RAD51B: variants seen among roughly 807,000 people sequenced by gnomAD.
RAD51B encodes RAD51 paralog B.
RAD51B carries 38 observed loss-of-function variants against 42.2 expected under a neutral mutation model. The observed-to-expected ratio is 0.90, with a 90% CI of 0.70 to 1.18. The LOEUF (loss-of-function observed/expected upper bound fraction) is 1.18. Among genes scored for constraint, RAD51B ranks in the 50% most tolerant of loss-of-function variants. RAD51B has a pLI of 0.00. For synonymous variants in RAD51B, 154 were observed against 145.2 expected, an observed-to-expected ratio of 1.06 and a Z score of -0.43; for missense variants, 373 against 400.7, an observed-to-expected ratio of 0.93 and a Z score of 0.59.
chr14:68,360,181 C>A (rs888062467), intron 8 of RAD51B, among the ~76,000 whole-genome samples: 2 of 152,178 alleles, frequency 1.3e-5, no homozygotes, highest in African/African-American at 4.8e-5. Context: ...CCTCTTCACT[C>A]CCTCTTCCCC....
At chr14:68,564,079 G>A (rs1889297169) in intron 10 of RAD51B, 4 of 392,628 alleles carry the variant, frequency 1.0e-5, no homozygotes, top group Non-Finnish European at 1.4e-5. Flanking sequence ...GTTATTAATA[G>A]CATTTGCTCT....
intron 10 of RAD51B, among the ~76,000 whole-genome samples, chr14:68,485,577 T>C (rs986218113): frequency 3.3e-5 from 5 of 152,178 alleles, no homozygotes; most frequent in African/African-American, 7.2e-5. Context: ...GGAGCTTCCA[T>C]TGAGGAACCC....
chr14:68,478,364 C>A (rs1314358002), downstream of RAD51B, among the ~76,000 whole-genome samples: 1 of 152,148 alleles, frequency 6.6e-6, no homozygotes, highest in Non-Finnish European at 1.5e-5. Flanking sequence ...TATAGCCCTG[C>A]AGAACAAAGA....
intron 8 of RAD51B, among the ~76,000 whole-genome samples, chr14:68,386,204 C>G (rs762086477): frequency 9.2e-5 from 14 of 152,138 alleles, no homozygotes; most frequent in Non-Finnish European, 1.6e-4. Context: ...ACCCAGGAGT[C>G]CAGCTTTTGT....
At chr14:68,091,548 TA>T (rs2077099676) in intron 7 of RAD51B, among the ~76,000 whole-genome samples, 1 of 152,192 alleles carries the variant, frequency 6.6e-6, no homozygotes, top group Admixed American at 6.5e-5. Context: ...TTGATGGGGT[TA>T]TTTTTTTCTT....
intron 10 of RAD51B, among the ~76,000 whole-genome samples, chr14:68,531,842 T>C (rs981070292): frequency 6.6e-6 from 1 of 151,912 alleles, no homozygotes; most frequent in African/African-American, 2.4e-5. Context: ...CTACGAAAAA[T>C]AATTTAGAAA....
At chr14:67,938,971 A>G (rs560555180) in intron 7 of RAD51B, among the ~76,000 whole-genome samples, 7 of 152,318 alleles carry the variant, frequency 4.6e-5, no homozygotes, top group Admixed American at 1.3e-4. Context: ...CAAAAGAACA[A>G]TATTTGTTGT....
intron 7 of RAD51B, among the ~76,000 whole-genome samples, chr14:68,002,941 T>C (rs1166988402): frequency 6.6e-6 from 1 of 152,220 alleles, no homozygotes; most frequent in African/African-American, 2.4e-5. Context: ...CCTTATAATA[T>C]AGTTTGAAGT....
At chr14:67,903,698 G>A (rs1260806016) in intron 7 of RAD51B, among the ~76,000 whole-genome samples, 1 of 152,122 alleles carries the variant, frequency 6.6e-6, no homozygotes, top group East Asian at 1.9e-4. Flanking sequence ...ACTGAGGATA[G>A]CCATGTGATC....
chr14:68,095,971 CAAAAAAAAA>C (rs56862052), intron 7 of RAD51B, among the ~76,000 whole-genome samples: 18,553 of 62,612 alleles, frequency 0.3, 1,191 homozygotes, highest in South Asian at 0.35. Flanking sequence ...GACTCCGTCT[CAAAAAAAAA>C]AAAAAAAAAA....
At chr14:67,828,536 G>C (rs1031908121) in intron 3 of RAD51B, among the ~76,000 whole-genome samples, 13 of 151,918 alleles carry the variant, frequency 8.6e-5, no homozygotes, top group African/African-American at 2.9e-4. Flanking sequence ...TGGCATTTTT[G>C]TCATGATATC....
chr14:68,066,518 G>A (rs1184263979), intron 7 of RAD51B, among the ~76,000 whole-genome samples: 1 of 152,160 alleles, frequency 6.6e-6, no homozygotes, highest in East Asian at 1.9e-4. Flanking sequence ...ATGGCATGAG[G>A]AAACATAATA....
chr14:68,267,282 C>T (rs1172194553), intron 7 of RAD51B, among the ~76,000 whole-genome samples: 2 of 152,074 alleles, frequency 1.3e-5, no homozygotes, highest in Non-Finnish European at 1.5e-5. Context: ...ATAGGAAAAC[C>T]GTGACAACCG....
intron 7 of RAD51B, among the ~76,000 whole-genome samples, chr14:68,088,829 G>T (rs1360331330): frequency 6.6e-6 from 1 of 152,130 alleles, no homozygotes; most frequent in Non-Finnish European, 1.5e-5. Context: ...GGAGGTTGGG[G>T]TAGAGGAGAA....
At chr14:68,506,194 G>A (rs1885305209) in intron 10 of RAD51B, among the ~76,000 whole-genome samples, 1 of 152,170 alleles carries the variant, frequency 6.6e-6, no homozygotes, top group African/African-American at 2.4e-5. Context: ...AAATTCTTTA[G>A]CTGAGCCTCC....
intron 7 of RAD51B, among the ~76,000 whole-genome samples, chr14:68,169,662 G>A (rs1595503483): frequency 6.6e-6 from 1 of 152,024 alleles, no homozygotes. Context: ...ATTTTCCTGT[G>A]GCCAGATGGT....
chr14:68,370,648 G>T lies in RAD51B; in HGVS notation c.854-40776G>T, dbSNP rs111623770. On this transcript the variant is annotated intron_variant, in intron 8 of 10. Transcript: ENST00000471583. ...GAGAGAGATTATGGTGGCTCAGACT[G>T]GGGGGTGTGGTATAGGGGATGGCAA... Among the ~76,000 whole-genome samples, 874 of 152,230 alleles carry T rather than the reference G, an allele frequency of 5.7e-3. 7 individuals are homozygous for T. Among genetic ancestry groups the T allele is most frequent in the African/African-American group, 0.02 (822 of 41,524 alleles).
chr14:68,288,678 G>C (rs1465774343), intron 7 of RAD51B, among the ~76,000 whole-genome samples: 2 of 152,192 alleles, frequency 1.3e-5, no homozygotes, highest in Non-Finnish European at 2.9e-5. Flanking sequence ...CCTTGTCATT[G>C]AATTTGTAAG....
chr14:68,217,713 G>A (rs755913426), intron 7 of RAD51B, among the ~76,000 whole-genome samples: 3 of 152,192 alleles, frequency 2.0e-5, no homozygotes, highest in African/African-American at 4.8e-5. Context: ...ATATAAGCCT[G>A]ACTCTCATAG....
Sources: gnomAD v4.1 joint callset for allele counts (sites outside exome capture counted in the v4.1 genomes callset) on GRCh38, gnomAD v4.1.1 for gene constraint, MANE v1.5 for transcripts, NCBI Gene and HGNC (gene_info 2026-07-23, HGNC 2026-07-21) for gene names.